The following LRRC7 variants were observed in gnomAD, a reference collection of about 807,000 sequenced individuals.
LRRC7 encodes the protein leucine-rich repeat-containing protein 7.
LRRC7 carries 23 observed loss-of-function variants against 175.7 expected under a neutral mutation model. The observed-to-expected ratio is 0.13, with a 90% CI of 0.09 to 0.19. The LOEUF (loss-of-function observed/expected upper bound fraction) is 0.19. LRRC7 is among the 10% of genes least tolerant of loss of function. The probability of loss-of-function intolerance (pLI) is 1.00; values close to 1 mark genes in which losing one functional copy is unlikely to be tolerated. For missense variants in LRRC7, 1,354 were observed against 1,904.7 expected, an observed-to-expected ratio of 0.71 and a Z score of 5.38; for synonymous variants, 685 against 680.9, an observed-to-expected ratio of 1.01 and a Z score of -0.09.
At chr1:69,941,942 T>C (rs187786789) in intron 8 of LRRC7, among the ~76,000 whole-genome samples, 163 of 152,286 alleles carry the variant, frequency 1.1e-3, no homozygotes, top group Non-Finnish European at 1.6e-3. Context: ...TTTTCATTGA[T>C]ATGCCTTGCA....
In LRRC7 at chr1:70,064,639, TTTGTTGTTG is replaced by T. The variant is rs60880306; in HGVS notation, c.4231-11414_4231-11406del. Among the ~76,000 whole-genome samples the T allele has an allele frequency of 3.6e-4, 54 of 151,120 alleles. No individual in the cohort carries two copies. In the East Asian group the frequency reaches 9.5e-3, roughly 27 times the overall value. On this transcript the variant is annotated intron_variant, in intron 23 of 26. Transcript: ENST00000651989. Reference sequence around the variant, plus strand: ...AGTACTTTTTGGCACTGCTTGGTATTTTGTTGTTGTTGTTGTTGTTGTTGTTGTTGTTAC... The same window carrying T: ...AGTACTTTTTGGCACTGCTTGGTATTTTGTTGTTGTTGTTGTTGTTGTTAC...
chr1:70,021,153 CTCTT>C, intron 16 of LRRC7, 24 bp downstream of exon 16: 2 of 1,600,516 alleles, frequency 1.2e-6, no homozygotes. Flanking sequence ...CTTTTGTTTC[CTCTT>C]TCTTCTCCTT....
intron 24 of LRRC7, among the ~76,000 whole-genome samples, chr1:70,088,738 A>G (rs1203587883): frequency 1.3e-5 from 2 of 152,102 alleles, no homozygotes; most frequent in African/African-American, 2.4e-5. Context: ...CAGGGTCTCC[A>G]GGAATTCTTA....
At chr1:70,083,255 C>T (rs1254699348) in intron 24 of LRRC7, among the ~76,000 whole-genome samples, 1 of 151,948 alleles carries the variant, frequency 6.6e-6, no homozygotes, top group Non-Finnish European at 1.5e-5. Context: ...CTTTTTGAGC[C>T]TATTTCATGG....
intron 8 of LRRC7, among the ~76,000 whole-genome samples, chr1:69,976,499 C>A (rs1652835213): frequency 1.3e-5 from 2 of 152,188 alleles, no homozygotes; most frequent in Admixed American, 6.5e-5. Context: ...CACAGACACC[C>A]CCAAGATCAA....
At position 70,140,357 on chromosome 1, in the gene LRRC7, G is replaced by T. The variant is rs903344662; in HGVS notation, c.*18470G>T. 4 of 152,072 alleles carry T rather than the reference G, an allele frequency of 2.6e-5. No homozygotes were observed. The highest frequency in any genetic ancestry group is 2.9e-5 in the Non-Finnish European group (2 of 68,010). 9.4% of individuals were successfully genotyped at this position (152,072 alleles called of 1,614,324 possible). A position where few individuals can be genotyped will look rare whatever the true frequency, so the allele number is the denominator to read the frequency against. On this transcript the variant is annotated 3_prime_UTR_variant, in exon 27 of 27. Coordinates refer to ENST00000651989, the MANE Select transcript of LRRC7 (RefSeq NM_001370785.2). Reference sequence around the variant, plus strand: ...CATTTTCCACACCTCAGCCCCCTAGGACCAGCTACTGGTAAGTCATTTTGT... The same window carrying T: ...CATTTTCCACACCTCAGCCCCCTAGTACCAGCTACTGGTAAGTCATTTTGT...
chr1:70,003,862 C>A (rs1655755661), intron 11 of LRRC7, among the ~76,000 whole-genome samples: 1 of 151,926 alleles, frequency 6.6e-6, no homozygotes. Flanking sequence ...AAAAAATAGT[C>A]TTTGCTAATG....
At chr1:69,973,531 C>T (rs1436836154) in intron 8 of LRRC7, among the ~76,000 whole-genome samples, 1 of 152,154 alleles carries the variant, frequency 6.6e-6, no homozygotes, top group African/African-American at 2.4e-5. Flanking sequence ...TTGTTGCAGT[C>T]ATACAAAATA....
chr1:69,989,297 T>C (rs1252036588), intron 10 of LRRC7, among the ~76,000 whole-genome samples: 1 of 152,200 alleles, frequency 6.6e-6, no homozygotes, highest in Non-Finnish European at 1.5e-5. Context: ...TTGACAGATA[T>C]GTTAATTAGC....
At chr1:70,048,307 A>G (rs941034797) in intron 22 of LRRC7, among the ~76,000 whole-genome samples, 2 of 152,102 alleles carry the variant, frequency 1.3e-5, no homozygotes, top group Non-Finnish European at 2.9e-5. Context: ...TTTGTCTTGC[A>G]ACTCATAAAA....
chr1:70,039,617 C>G lies in LRRC7; in HGVS notation c.3793C>G (p.Leu1265Val), dbSNP rs757527693. 2.5e-6 allele frequency: 4 copies of G among 1,614,008 alleles called. No homozygotes were observed. The highest frequency in any genetic ancestry group is 1.1e-5 in the South Asian group (1 of 91,070). ...PVSARPTMAA[L>V]LEKIPSDYNL... is the part of the protein sequence containing the mutation. ...TTCAGCTAGGCCTACTATGGCAGCT[C>G]TTTTGGAAAAAATACCATCTGACTA... Residue 1265 changes from leucine to valine, a missense_variant, in exon 21 of 27, where the codon CTT becomes GTT. Coordinates refer to ENST00000651989, the MANE Select transcript of LRRC7 (RefSeq NM_001370785.2).
chr1:69,770,464 A>T (rs914860609), intron 3 of LRRC7, among the ~76,000 whole-genome samples: 2 of 152,196 alleles, frequency 1.3e-5, no homozygotes, highest in African/African-American at 4.8e-5. Flanking sequence ...AAATTTTGAA[A>T]TGCTATTTCA....
chr1:69,951,643 A>G (rs183893924), intron 8 of LRRC7, among the ~76,000 whole-genome samples: 28 of 152,286 alleles, frequency 1.8e-4, no homozygotes, highest in African/African-American at 6.3e-4. Context: ...TCACAGGAAC[A>G]TGGATAGAGC....
At chr1:69,929,732 C>T (rs899088142) in intron 7 of LRRC7, among the ~76,000 whole-genome samples, 3 of 152,202 alleles carry the variant, frequency 2.0e-5, no homozygotes, top group Non-Finnish European at 2.9e-5. Flanking sequence ...CCTGCAATCA[C>T]AGATATTCTT....
intron 2 of LRRC7, among the ~76,000 whole-genome samples, chr1:69,697,819 G>A (rs1227938159): frequency 3.3e-5 from 5 of 152,154 alleles, no homozygotes; most frequent in Non-Finnish European, 7.4e-5. Context: ...AACTGATATT[G>A]GAGGAGGTGG....
chr1:69,610,849 C>T (rs992074230), intron 1 of LRRC7, among the ~76,000 whole-genome samples: 1 of 151,926 alleles, frequency 6.6e-6, no homozygotes, highest in Non-Finnish European at 1.5e-5. Context: ...TAAACATCTG[C>T]AGACTGAGAA....
At chr1:69,659,452 A>G (rs1227934056) in intron 1 of LRRC7, among the ~76,000 whole-genome samples, 1 of 151,894 alleles carries the variant, frequency 6.6e-6, no homozygotes, top group Non-Finnish European at 1.5e-5. Flanking sequence ...AAATGTATAA[A>G]TAGACAATGT....
chr1:70,036,112 A>C lies in LRRC7; in HGVS notation c.1996-9A>C, dbSNP rs1411920621. 8.1e-6 allele frequency: 13 copies of C among 1,595,542 alleles called. No homozygotes were observed. The highest frequency in any genetic ancestry group is 3.5e-5 in the Admixed American group (2 of 57,386). On this transcript the variant is annotated splice_polypyrimidine_tract_variant and intron_variant, in intron 18 of 26. Coordinates refer to ENST00000651989, the MANE Select transcript of LRRC7 (RefSeq NM_001370785.2). ...TACTTTCCTTGTCCTGTATTATTATATCTCTCAGGATTCTTTTGTTCATCC... is the reference window on the plus strand; with the variant it reads ...TACTTTCCTTGTCCTGTATTATTATCTCTCTCAGGATTCTTTTGTTCATCC...
chr1:69,825,949 A>T (rs1679860433), intron 5 of LRRC7, 123 bp downstream of exon 5: 1 of 523,376 alleles, frequency 1.9e-6, no homozygotes, highest in Non-Finnish European at 3.2e-6. Flanking sequence ...CATTTAATAG[A>T]ATGATGGGAA....
Sources: gnomAD v4.1 joint callset for allele counts (sites outside exome capture counted in the v4.1 genomes callset) on GRCh38, gnomAD v4.1.1 for gene constraint, MANE v1.5 for transcripts, NCBI Gene and HGNC (gene_info 2026-07-23, HGNC 2026-07-21) for gene names.